The following KIF7 variants were observed in gnomAD, a reference collection of about 807,000 sequenced individuals.
The protein encoded by KIF7 is kinesin family member 7.
A neutral mutation model predicts 135.7 loss-of-function variants in KIF7; 104 were observed. The ratio of observed to expected loss-of-function variants is 0.77; its 90% CI spans 0.65 to 0.90. The LOEUF is 0.90. KIF7 is among the 40% of genes least tolerant of loss of function. KIF7 has a pLI of 0.00. For missense variants in KIF7, 2,005 were observed against 1,839.1 expected (o/e 1.09, Z -1.65); for synonymous variants, 883 against 809.4 (o/e 1.09, Z -1.54).
chr15:89,645,053 G>T lies in KIF7; in HGVS notation c.2151C>A (p.Ile717=). The T allele has an allele frequency of 6.2e-7, 1 of 1,607,248 alleles. No homozygotes were observed. Among genetic ancestry groups the T allele is most frequent in the South Asian group, 1.1e-5 (1 of 91,082 alleles). The stretch of plus-strand genomic sequence containing the variant: ...CGCCAATAAGCTCCTCCTTCATGCG[G>T]ATGTTGATAGCCAGCTCCCGGATCT... ...QQKIRELAIN[I]RMKEELIGEL... Residue 717 remains isoleucine, a synonymous_variant, in exon 10 of 19, where the codon ATC becomes ATA. Transcript: ENST00000394412.
chr15:89,655,706 G>C (rs1305408318), upstream of KIF7, among the ~76,000 whole-genome samples: 2 of 152,146 alleles, frequency 1.3e-5, no homozygotes, highest in Non-Finnish European at 2.9e-5. Context: ...CCTGTCCTCA[G>C]CCCCGAGTCA....
In KIF7 at chr15:89,647,027, T is replaced by A. The variant is rs1364028483; in HGVS notation, c.1591A>T (p.Met531Leu). ...TCTAACCGCAGCCGCAGTTCCACCA[T>A]CTCCTCCTGCTGCTCACGCAGCCGG... ...SDRLREQQEE[M>L]VELRLRLELV... Residue 531 changes from methionine to leucine, a missense_variant, in exon 7 of 19, where the codon ATG (methionine) becomes TTG (leucine). Physicochemically the swap from Met to Leu is conservative, Grantham distance 15. Coordinates refer to ENST00000394412, the MANE Select transcript of KIF7 (RefSeq NM_198525.3). 10 of 1,608,288 alleles carry A rather than the reference T, an allele frequency of 6.2e-6. No individual in the cohort carries two copies. In the Middle Eastern group the frequency reaches 1.2e-3, roughly 185 times the overall value.
chr15:89,626,185 C>T (rs553299134), downstream of KIF7: 338 of 1,043,484 alleles, frequency 3.2e-4, no homozygotes, highest in Non-Finnish European at 4.1e-4. Context: ...GGTGACTTCG[C>T]GCCTACAGCG....
At chr15:89,656,724 T>TGG (rs1305996806), upstream of KIF7, among the ~76,000 whole-genome samples, 12 of 152,116 alleles carry the variant, frequency 7.9e-5, no homozygotes, top group Non-Finnish European at 1.3e-4. Flanking sequence ...TGCCATTTCC[T>TGG]CCAATAGACA....
At position 89,631,717 on chromosome 15, in the gene KIF7, G is replaced by A. The variant is rs769851915; in HGVS notation, c.2896-7C>T. The A allele has an allele frequency of 3.8e-5, 59 of 1,548,534 alleles. No individual in the cohort carries two copies. Among genetic ancestry groups the A allele is most frequent in the Non-Finnish European group, 4.4e-5 (50 of 1,144,890 alleles). On this transcript the variant is annotated splice_polypyrimidine_tract_variant and splice_region_variant and intron_variant, in intron 14 of 18. Transcript: ENST00000394412. ...CGATGTCCTCGTTGAGGGCCTGGGGGCAGAATCACCAGGGATTAGAGAAGG... is the reference window on the plus strand; with the variant it reads ...CGATGTCCTCGTTGAGGGCCTGGGGACAGAATCACCAGGGATTAGAGAAGG...
chr15:89,658,738 C>T (rs572845588), upstream of KIF7, among the ~76,000 whole-genome samples: 6 of 152,058 alleles, frequency 3.9e-5, no homozygotes, highest in South Asian at 1.2e-3. Flanking sequence ...GTGGTGTGCA[C>T]CTGTAGTCCC....
At chr15:89,630,122 C>T (rs1963640083) in intron 16 of KIF7, 165 bp downstream of exon 16, 4 of 676,610 alleles carry the variant, frequency 5.9e-6, no homozygotes, top group Non-Finnish European at 7.6e-6. Flanking sequence ...CTTAGTTTCA[C>T]AAGTAAAATA....
Position 89,628,562 on chromosome 15 carries a change from C to T in KIF7, c.3889G>A (p.Glu1297Lys). The change falls in exon 19 of 19, where the codon GAG (glutamate) becomes AAG (lysine). Residue 1297 changes from glutamate (E) to lysine (K), a missense_variant. Transcript: ENST00000394412. ...CGCCCCACCAGGGGCTCAGCCGCCT[C>T]CCGCTGCCTCAGTTCCTCGGGGGAC... ...QGSPEELRQR[E>K]AAEPLVGRVL... 1 of 1,613,436 alleles carries T rather than the reference C, an allele frequency of 6.2e-7. No homozygotes were observed. The highest frequency in any genetic ancestry group is 8.5e-7 in the Non-Finnish European group (1 of 1,179,974).
chr15:89,629,676 T>A (rs1963630219), intron 16 of KIF7, 103 bp from the exon 17 acceptor site: 1 of 1,482,646 alleles, frequency 6.7e-7, no homozygotes, highest in East Asian at 2.3e-5. Context: ...ACCACGGCAC[T>A]AAGAAATCAC....
At chr15:89,630,257 G>A (rs1567057764) in intron 16 of KIF7, 30 bp downstream of exon 16, 2 of 1,606,878 alleles carry the variant, frequency 1.2e-6, no homozygotes, top group South Asian at 1.1e-5. Flanking sequence ...CGCTGAGGAG[G>A]AGCTGGGGGG....
chr15:89,631,415 G>A (rs909655356), intron 15 of KIF7, 80 bp downstream of exon 15: 2 of 1,297,772 alleles, frequency 1.5e-6, no homozygotes, highest in Non-Finnish European at 2.1e-6. Flanking sequence ...ACCCGCAGAG[G>A]GCTGGAGCAA....
intron 3 of KIF7, 145 bp downstream of exon 3, chr15:89,649,596 G>A (rs1964090354): frequency 4.0e-6 from 4 of 993,490 alleles, no homozygotes; most frequent in African/African-American, 1.6e-5. Flanking sequence ...TGAACTCAGT[G>A]GAGGCAAGAA....
Position 89,629,040 on chromosome 15 carries a change from G to GT in KIF7, c.3599dup (p.Tyr1200Ter), listed in dbSNP as rs754566088. 6.2e-7 allele frequency: 1 copy of GT among 1,613,630 alleles called. No homozygotes were observed. The highest frequency in any genetic ancestry group is 2.2e-5 in the East Asian group (1 of 44,834). Residue 1200 changes from tyrosine (Y) to a stop codon, truncating the protein, a stop_gained and frameshift_variant, in exon 18 of 19, where the codon TAC becomes TAAC. Coordinates refer to ENST00000394412, the MANE Select transcript of KIF7 (RefSeq NM_198525.3). LOFTEE classifies it high-confidence loss of function. The part of the protein sequence containing the change: ...IQALEKELGR[Y>*]MWINQELKQK... Reference sequence around the variant, plus strand: ...GTTTCAGTTCCTGGTTTATCCACATGTAACGGCCCAGTTCCTTCTCCAGAG... The same window carrying GT: ...GTTTCAGTTCCTGGTTTATCCACATGTTAACGGCCCAGTTCCTTCTCCAGAG...
intron 3 of KIF7, 50 bp from the exon 4 acceptor site, chr15:89,649,417 C>T: frequency 6.9e-7 from 1 of 1,441,268 alleles, no homozygotes. Context: ...GCCAGACTGA[C>T]CAGCCAGGAG....
At chr15:89,623,833 C>A, downstream of KIF7, 2 of 1,613,944 alleles carry the variant, frequency 1.2e-6, no homozygotes, top group Non-Finnish European at 1.7e-6. Context: ...AAAAATCACT[C>A]CTCAAAAACG....
At chr15:89,641,390 C>G (rs964817598) in intron 11 of KIF7, among the ~76,000 whole-genome samples, 1 of 152,112 alleles carries the variant, frequency 6.6e-6, no homozygotes, top group African/African-American at 2.4e-5. Flanking sequence ...CCCTAGTCTA[C>G]GGAAGTTTGC....
chr15:89,626,087 C>A (rs764779099), downstream of KIF7: 16 of 1,609,030 alleles, frequency 9.9e-6, no homozygotes, highest in Non-Finnish European at 1.3e-5. Context: ...GGTCTAGGAC[C>A]CTTTCCTGTG....
intron 16 of KIF7, chr15:89,629,888 C>T (rs1421214866): frequency 1.9e-6 from 1 of 530,066 alleles, no homozygotes; most frequent in African/African-American, 1.9e-5. Context: ...ACATCTGGGA[C>T]CAGATAATTC....
chr15:89,632,700 T>C (rs1963705982), intron 14 of KIF7, 120 bp downstream of exon 14: 2 of 1,099,558 alleles, frequency 1.8e-6, no homozygotes. Context: ...AGGACCTCAC[T>C]TTGCTAGACC....
Sources: gnomAD v4.1 joint callset for allele counts (sites outside exome capture counted in the v4.1 genomes callset) on GRCh38, gnomAD v4.1.1 for gene constraint, MANE v1.5 for transcripts, NCBI Gene and HGNC (gene_info 2026-07-23, HGNC 2026-07-21) for gene names.